Variants in HIVEP3 observed in about 807,000 individuals in gnomAD.
The protein encoded by HIVEP3 is HIVEP zinc finger 3, also known as transcription factor HIVEP3.
HIVEP3 carries 49 observed loss-of-function variants against 152.8 expected under a neutral mutation model. The observed-to-expected ratio is 0.32, with a 90% CI of 0.26 to 0.41. The LOEUF is 0.41. Among genes scored for constraint, HIVEP3 ranks in the 10% least tolerant of loss-of-function variants. The pLI, the probability that HIVEP3 is intolerant of heterozygous loss-of-function variation, is 1.00. For missense variants in HIVEP3, 2,790 were observed against 3,103.3 expected, an observed-to-expected ratio of 0.90 and a Z score of 2.40; for synonymous variants, 1,269 against 1,289.0, an observed-to-expected ratio of 0.98 and a Z score of 0.33.
At chr1:41,896,636 G>A (rs1244872482) in intron 1 of HIVEP3, among the ~76,000 whole-genome samples, 2 of 149,684 alleles carry the variant, frequency 1.3e-5, no homozygotes, top group African/African-American at 4.9e-5. Context: ...GTGCAATGGT[G>A]CGATCTCGGG....
intron 5 of HIVEP3, among the ~76,000 whole-genome samples, chr1:41,539,156 T>C (rs1189122538): frequency 6.6e-6 from 1 of 152,168 alleles, no homozygotes; most frequent in East Asian, 1.9e-4. Flanking sequence ...ATCCTTGGAT[T>C]AGGCCATTTT....
intron 2 of HIVEP3, among the ~76,000 whole-genome samples, chr1:41,635,191 T>TA (rs755886561): frequency 6.6e-6 from 1 of 152,042 alleles, no homozygotes; most frequent in African/African-American, 2.4e-5. Flanking sequence ...AATGCTTTTC[T>TA]AAAAAAACTC....
At chr1:41,949,747 C>T (rs1468002074) in intron 1 of HIVEP3, among the ~76,000 whole-genome samples, 3 of 151,994 alleles carry the variant, frequency 2.0e-5, no homozygotes, top group Admixed American at 6.6e-5. Context: ...CTTCCAGAAT[C>T]GAAGCTGTGA....
At chr1:41,529,205 TACACTC>T (rs1374784308) in intron 5 of HIVEP3, among the ~76,000 whole-genome samples, 2 of 77,744 alleles carry the variant, frequency 2.6e-5, no homozygotes, top group Non-Finnish European at 2.3e-5. Context: ...CTTACACCCA[TACACTC>T]ACACCCTCAC....
At chr1:41,936,493 T>C (rs145866915) in intron 1 of HIVEP3, among the ~76,000 whole-genome samples, 2 of 152,348 alleles carry the variant, frequency 1.3e-5, no homozygotes, top group Admixed American at 1.3e-4. Context: ...CAACAAGAAG[T>C]AGTTCCATTA....
chr1:41,738,196 G>A lies in HIVEP3; in HGVS notation c.-800-37201C>T, dbSNP rs552786348. ...GCCTTGGCCTCTAGGAAGGACGAGC[G>A]GGAAGCAGCGTCCCCAGAGACATAT... On this transcript the variant is annotated intron_variant, in intron 1 of 8. Coordinates refer to ENST00000372583, the MANE Select transcript of HIVEP3 (RefSeq NM_024503.5). Among the ~76,000 whole-genome samples the A allele has an allele frequency of 3.3e-5, 5 of 152,292 alleles. No homozygotes were observed. The South Asian group carries it at 1.0e-3, about 32-fold the overall frequency.
intron 1 of HIVEP3, among the ~76,000 whole-genome samples, chr1:41,871,965 T>C (rs1452756718): frequency 6.6e-6 from 1 of 152,230 alleles, no homozygotes; most frequent in Non-Finnish European, 1.5e-5. Context: ...TAAGTTGTAT[T>C]GAGGTATAAT....
chr1:41,972,726 G>T (rs1264531352), intron 1 of HIVEP3, among the ~76,000 whole-genome samples: 24 of 152,200 alleles, frequency 1.6e-4, no homozygotes. Flanking sequence ...AGCATTCCGT[G>T]TTCCAAACCA....
intron 1 of HIVEP3, among the ~76,000 whole-genome samples, chr1:41,815,718 C>T (rs959498072): frequency 5.3e-5 from 8 of 151,488 alleles, no homozygotes; most frequent in Admixed American, 5.3e-4. Flanking sequence ...TCATGAATCG[C>T]CAACAAGTGC....
chr1:41,787,523 T>G (rs960869996), intron 1 of HIVEP3, among the ~76,000 whole-genome samples: 5 of 145,524 alleles, frequency 3.4e-5, no homozygotes, highest in Non-Finnish European at 5.9e-5. Flanking sequence ...TCTCTTTTCC[T>G]TTTCTTTCTT....
At chr1:41,616,569 CTT>C (rs35360287) in intron 3 of HIVEP3, among the ~76,000 whole-genome samples, 2 of 127,714 alleles carry the variant, frequency 1.6e-5, no homozygotes, top group Admixed American at 8.3e-5. Context: ...ATAGCAATTA[CTT>C]TTTTTTTTTT....
chr1:41,656,730 T>C (rs925460666), intron 2 of HIVEP3, among the ~76,000 whole-genome samples: 6 of 152,194 alleles, frequency 3.9e-5, no homozygotes, highest in Admixed American at 1.3e-4. Flanking sequence ...AATGAAGGCA[T>C]TATAACTACA....
chr1:41,806,666 G>C (rs1349577988), intron 1 of HIVEP3, among the ~76,000 whole-genome samples: 4 of 152,238 alleles, frequency 2.6e-5, no homozygotes, highest in Non-Finnish European at 5.9e-5. Context: ...AGCTGAGCAG[G>C]AAGGGGGAAA....
chr1:41,839,199 G>A (rs965051705), intron 1 of HIVEP3, among the ~76,000 whole-genome samples: 11 of 152,142 alleles, frequency 7.2e-5, no homozygotes, highest in African/African-American at 2.4e-4. Flanking sequence ...GGAAGGTGGA[G>A]CCCTGAGAAG....
chr1:41,518,590 C>T (rs1319902097), intron 6 of HIVEP3, 102 bp from the exon 7 acceptor site: 1 of 1,127,574 alleles, frequency 8.9e-7, no homozygotes, highest in Non-Finnish European at 1.3e-6. Context: ...CATGGTTTCT[C>T]AGGCCAGTCA....
chr1:41,524,644 G>C, intron 6 of HIVEP3, 91 bp downstream of exon 6: 1 of 1,217,742 alleles, frequency 8.2e-7, no homozygotes, highest in Non-Finnish European at 1.2e-6. Flanking sequence ...CCCCTGCAAA[G>C]AGGTCTGGGC....
intron 1 of HIVEP3, among the ~76,000 whole-genome samples, chr1:41,730,899 G>C (rs929247119): frequency 6.6e-6 from 1 of 152,140 alleles, no homozygotes; most frequent in African/African-American, 2.4e-5. Context: ...GGCTTCCTGT[G>C]GGGGGTGAAT....
At chr1:42,034,859 C>G (rs999169942) in intron 1 of HIVEP3, among the ~76,000 whole-genome samples, 19 of 152,078 alleles carry the variant, frequency 1.2e-4, no homozygotes, top group African/African-American at 4.6e-4. Context: ...ACTGAAGACC[C>G]TCAATAAACG....
chr1:41,694,407 TACCAC>T (rs1646241909), intron 2 of HIVEP3, among the ~76,000 whole-genome samples: 1 of 152,164 alleles, frequency 6.6e-6, no homozygotes, highest in Non-Finnish European at 1.5e-5. Flanking sequence ...ATACATTTCC[TACCAC>T]ACCTGGCAGG....
Sources: gnomAD v4.1 joint callset for allele counts (sites outside exome capture counted in the v4.1 genomes callset) on GRCh38, gnomAD v4.1.1 for gene constraint, MANE v1.5 for transcripts, NCBI Gene and HGNC (gene_info 2026-07-23, HGNC 2026-07-21) for gene names.